CRYBG3: variants seen among roughly 807,000 people sequenced by gnomAD.
The protein encoded by CRYBG3 is crystallin beta-gamma domain containing 3, also known as very large A-kinase anchor protein.
A neutral mutation model predicts 244.2 loss-of-function variants in CRYBG3; 127 were observed. The ratio of observed to expected loss-of-function variants is 0.52; its 90% CI spans 0.45 to 0.60. The LOEUF (loss-of-function observed/expected upper bound fraction) is 0.60, where lower values mean the gene tolerates loss of function less well. Ranked by LOEUF, CRYBG3 falls within the 20% of genes least tolerant of loss-of-function variation. CRYBG3 has a pLI of 0.00. For missense variants in CRYBG3, 3,325 were observed against 3,442.5 expected (o/e 0.97, Z 0.85); for synonymous variants, 1,132 against 1,195.8 (o/e 0.95, Z 1.10).
intron 2 of CRYBG3, among the ~76,000 whole-genome samples, chr3:97,845,570 C>T (rs1325359648): frequency 6.6e-6 from 1 of 152,310 alleles, no homozygotes; most frequent in African/African-American, 2.4e-5. Context: ...GCCTTAAACT[C>T]TTGCTTCATT....
intron 1 of CRYBG3, among the ~76,000 whole-genome samples, chr3:97,827,306 A>G (rs1180433622): frequency 1.3e-5 from 2 of 152,306 alleles, no homozygotes; most frequent in East Asian, 3.9e-4. Context: ...AGGACTTATT[A>G]GTAACATTCA....
At chr3:97,886,438 T>C (rs377509191) in intron 7 of CRYBG3, among the ~76,000 whole-genome samples, 193 bp from the exon 8 acceptor site, 10 of 152,166 alleles carry the variant, frequency 6.6e-5, no homozygotes, top group Middle Eastern at 3.4e-3. Flanking sequence ...ATGATTTTCA[T>C]GTCATTAACA....
At chr3:97,891,687 T>G (rs1167059874) in intron 10 of CRYBG3, among the ~76,000 whole-genome samples, 1 of 152,010 alleles carries the variant, frequency 6.6e-6, no homozygotes, top group Non-Finnish European at 1.5e-5. Context: ...GAGTTTTTGT[T>G]AAGATTAGGG....
At chr3:97,896,683 G>A (rs145118979) in intron 12 of CRYBG3, among the ~76,000 whole-genome samples, 14 of 152,294 alleles carry the variant, frequency 9.2e-5, no homozygotes, top group African/African-American at 3.4e-4. Flanking sequence ...ACCCCTTAGG[G>A]GGCCTTTGGC....
At chr3:97,914,129 C>T (rs2039902144) in intron 16 of CRYBG3, among the ~76,000 whole-genome samples, 1 of 152,168 alleles carries the variant, frequency 6.6e-6, no homozygotes, top group African/African-American at 2.4e-5. Context: ...TTTCCTATAG[C>T]TGTTCTGCCT....
At chr3:97,865,151 T>C (rs910881345) in intron 3 of CRYBG3, among the ~76,000 whole-genome samples, 6 of 152,232 alleles carry the variant, frequency 3.9e-5, no homozygotes, top group African/African-American at 1.4e-4. Context: ...CTTTCTTCAT[T>C]GTTTGATTAA....
chr3:97,892,310 A>G (rs998330111), intron 10 of CRYBG3, among the ~76,000 whole-genome samples: 15 of 152,098 alleles, frequency 9.9e-5, no homozygotes, highest in Admixed American at 5.2e-4. Flanking sequence ...TTCTACGGTT[A>G]ATCATCAGTC....
chr3:97,901,081 TA>T (rs1407209217), intron 15 of CRYBG3, among the ~76,000 whole-genome samples: 1 of 152,156 alleles, frequency 6.6e-6, no homozygotes, highest in Admixed American at 6.6e-5. Flanking sequence ...TTATAGACAA[TA>T]AATCTGAGAT....
At position 97,872,946 on chromosome 3, in the gene CRYBG3, T is replaced by G; in HGVS notation, c.1752T>G (p.Asn584Lys). The change falls in exon 4 of 22, where the codon AAT becomes AAG. Residue 584 changes from asparagine (N) to lysine (K), a missense_variant. Physicochemically the swap from Asn to Lys is moderately conservative, Grantham distance 94. Around this residue, in one of 4 missense-constraint regions of CRYBG3, gnomAD observed 1,526 missense variants for 1,443.2 expected, o/e 1.06. Coordinates refer to ENST00000389622, the MANE Select transcript of CRYBG3 (RefSeq NM_153605.4). Reference protein sequence around the residue: ...SHDKIPHIRMNKKDLASLNYI... With the variant: ...SHDKIPHIRMKKKDLASLNYI... ...ATAAAATTCCTCATATTAGAATGAA[T>G]AAAAAAGACCTGGCCTCTTTAAATT... The G allele has an allele frequency of 4.6e-6, 7 of 1,530,534 alleles. No individual in the cohort carries two copies. The highest frequency in any genetic ancestry group is 5.2e-6 in the Non-Finnish European group (6 of 1,145,580). 94.8% of individuals were successfully genotyped at this position (1,530,534 alleles called of 1,614,324 possible).
rs73138860 is a variant in CRYBG3 at position 97,889,666 on chromosome 3, G to A, written c.7440+276G>A. On this transcript the variant is annotated intron_variant, in intron 10 of 21. Coordinates refer to ENST00000389622, the MANE Select transcript of CRYBG3 (RefSeq NM_153605.4). ...CTGCTACAGGGTGGAAAGGTGATAG[G>A]TTTGATTTTTGTTTTGAGGGAAGGG... is the stretch of plus-strand genomic sequence containing the variant. 8.6e-3 allele frequency among the ~76,000 whole-genome samples: 1,316 copies of A among 152,172 alleles called. 5 individuals are homozygous for A. The highest frequency in any genetic ancestry group is 0.037 in the Middle Eastern group (11 of 294).
intron 12 of CRYBG3, among the ~76,000 whole-genome samples, chr3:97,897,011 T>C (rs1368771431): frequency 6.6e-6 from 1 of 152,006 alleles, no homozygotes; most frequent in Non-Finnish European, 1.5e-5. Context: ...CCAAAAGGAA[T>C]ATAGCAGTAT....
Position 97,933,678 on chromosome 3 carries a change from C to A in CRYBG3, c.8242-16C>A, listed in dbSNP as rs771959187. The A allele has an allele frequency of 3.7e-6, 6 of 1,612,208 alleles. No individual in the cohort carries two copies. The highest frequency in any genetic ancestry group is 5.1e-6 in the Non-Finnish European group (6 of 1,178,888). On this transcript the variant is annotated splice_polypyrimidine_tract_variant and intron_variant, in intron 17 of 21. Transcript: ENST00000389622. ...ATGGCCACTCCTATGGTGACGCTTT[C>A]TTTTTCTGCTAATAGGTTTTTGAAG...
rs373916170 is a variant in CRYBG3, at chr3:97,933,786, C to T, written c.8334C>T (p.Asn2778=). 1 of 1,612,860 alleles carries T rather than the reference C, an allele frequency of 6.2e-7. No homozygotes were observed. The highest frequency in any genetic ancestry group is 1.3e-5 in the African/African-American group (1 of 74,968). The change falls in exon 18 of 22, where the codon AAC becomes AAT. Residue 2778 remains asparagine, a synonymous_variant. Transcript: ENST00000389622. ...HLEEAVNSVL[N]KDLHFYTQSV... is the part of the protein sequence containing the mutation. ...AAGAGGCTGTGAACTCTGTTCTGAA[C>T]AAGGACCTACACTTCTACACCCAGT...
chr3:97,912,486 G>A (rs1261492831), intron 16 of CRYBG3, among the ~76,000 whole-genome samples: 3 of 152,098 alleles, frequency 2.0e-5, no homozygotes, highest in Non-Finnish European at 4.4e-5. Flanking sequence ...AACCAACTTA[G>A]GGAACATTTT....
At chr3:97,903,640 T>C (rs1432612157) in intron 15 of CRYBG3, among the ~76,000 whole-genome samples, 2 of 152,150 alleles carry the variant, frequency 1.3e-5, no homozygotes, top group African/African-American at 4.8e-5. Context: ...ACATTAAAAA[T>C]AATGCTGATA....
Position 97,872,268 on chromosome 3 carries a change from A to G in CRYBG3, c.1074A>G (p.Gly358=). Residue 358 remains glycine, a synonymous_variant, in exon 4 of 22, where the codon GGA becomes GGG. Transcript: ENST00000389622. The part of the protein sequence containing the change: ...PSSVTNSSYD[G]ESDSQHHLSC... ...CTGTGACTAACTCCAGCTACGATGG[A>G]GAATCTGACTCACAGCACCATTTAA... is the stretch of plus-strand genomic sequence containing the variant. 6.5e-7 allele frequency: 1 copy of G among 1,535,946 alleles called. No homozygotes were observed. The highest frequency in any genetic ancestry group is 1.2e-5 in the South Asian group (1 of 84,056).
chr3:97,845,245 G>T (rs1257987861), intron 2 of CRYBG3, among the ~76,000 whole-genome samples: 1 of 152,056 alleles, frequency 6.6e-6, no homozygotes, highest in Non-Finnish European at 1.5e-5. Flanking sequence ...TCTTCTTTTT[G>T]TGTTTGACCT....
intron 2 of CRYBG3, among the ~76,000 whole-genome samples, chr3:97,852,828 C>T (rs527905946): frequency 6.6e-6 from 1 of 152,122 alleles, no homozygotes; most frequent in African/African-American, 2.4e-5. Flanking sequence ...TCTACATACT[C>T]ACCAGCATTT....
At chr3:97,943,182 C>A in intron 21 of CRYBG3, 44 bp from the exon 22 acceptor site, 1 of 1,130,280 alleles carries the variant, frequency 8.8e-7, no homozygotes, top group Non-Finnish European at 1.3e-6. Context: ...TTGCTAAGCA[C>A]CTGCCTGAAC....
Sources: gnomAD v4.1 joint callset for allele counts (sites outside exome capture counted in the v4.1 genomes callset) on GRCh38, gnomAD v4.1.1 for gene constraint, gnomAD v4.1.1 regional missense constraint, MANE v1.5 for transcripts, NCBI Gene and HGNC (gene_info 2026-07-23, HGNC 2026-07-21) for gene names.